PRDM16: variants seen among roughly 807,000 people sequenced by gnomAD.
The protein encoded by PRDM16 is histone-lysine N-methyltransferase PRDM16.
Under a neutral mutation model 110.6 loss-of-function variants are expected in PRDM16, and 23 were observed. The observed-to-expected ratio is 0.21, with a 90% CI of 0.15 to 0.29. The LOEUF (loss-of-function observed/expected upper bound fraction) is 0.29. PRDM16 is among the 10% of genes least tolerant of loss of function. PRDM16 has a pLI of 1.00. For synonymous variants in PRDM16, 799 were observed against 781.8 expected (o/e 1.02, Z -0.37); for missense variants, 1,615 against 1,794.3 (o/e 0.90, Z 1.81).
At chr1:3,083,144 C>T (rs184362455) in intron 1 of PRDM16, among the ~76,000 whole-genome samples, 96 of 152,310 alleles carry the variant, frequency 6.3e-4, no homozygotes, top group Middle Eastern at 3.4e-3. Context: ...AGAGCAGAGC[C>T]GGGCAGGCTC....
intron 15 of PRDM16, 90 bp downstream of exon 15, chr1:3,431,198 C>G (rs1569788634): frequency 6.7e-7 from 1 of 1,490,554 alleles, no homozygotes; most frequent in Non-Finnish European, 8.9e-7. Flanking sequence ...CACTCGTGAG[C>G]CCATCCCTGG....
chr1:3,089,846 C>T (rs987828957), intron 1 of PRDM16, among the ~76,000 whole-genome samples: 2 of 151,812 alleles, frequency 1.3e-5, no homozygotes, highest in African/African-American at 4.8e-5. Flanking sequence ...CTCCAACTTC[C>T]TCCGGCCGAC....
At chr1:3,074,411 CTG>C (rs770186651) in intron 1 of PRDM16, among the ~76,000 whole-genome samples, 13 of 151,080 alleles carry the variant, frequency 8.6e-5, no homozygotes, top group South Asian at 4.2e-4. Context: ...AGGGTTTTTT[CTG>C]TGTGTGTGTG....
At position 3,438,331 on chromosome 1, in the gene PRDM16, C is replaced by T. The variant is rs11584897; in HGVS notation, c.*4520C>T. On this transcript the variant is annotated 3_prime_UTR_variant, in exon 17 of 17. Transcript: ENST00000270722. ...GAGACTAGGAGTCCTGAACTGCTGA[C>T]GCGAAAGAGGCGCAGTTCCCAATTA... The T allele has an allele frequency of 3.2e-4, 65 of 201,856 alleles. No homozygotes were observed. The highest frequency in any genetic ancestry group is 1.7e-3 in the Middle Eastern group (1 of 594). 12.5% of individuals were successfully genotyped at this position (201,856 alleles called of 1,614,324 possible). A position where few individuals can be genotyped will look rare whatever the true frequency, so the allele number is the denominator to read the frequency against.
chr1:3,182,115 C>A (rs1246560875), intron 1 of PRDM16, among the ~76,000 whole-genome samples: 1 of 152,260 alleles, frequency 6.6e-6, no homozygotes, highest in Non-Finnish European at 1.5e-5. Context: ...GTGCCTCTTT[C>A]CTGCCCAGTG....
At chr1:3,319,702 C>T (rs1225452502) in intron 3 of PRDM16, among the ~76,000 whole-genome samples, 1 of 152,188 alleles carries the variant, frequency 6.6e-6, no homozygotes, top group Non-Finnish European at 1.5e-5. Flanking sequence ...CTAACTTCCC[C>T]AGAAGGCTCA....
intron 3 of PRDM16, among the ~76,000 whole-genome samples, chr1:3,274,505 A>G (rs1403681013): frequency 6.6e-6 from 1 of 152,212 alleles, no homozygotes; most frequent in Non-Finnish European, 1.5e-5. Flanking sequence ...GTCCGTTCTG[A>G]AAGGGCCCCA....
At chr1:3,240,898 C>A (rs770464068) in intron 2 of PRDM16, among the ~76,000 whole-genome samples, 1 of 152,380 alleles carries the variant, frequency 6.6e-6, no homozygotes, top group East Asian at 1.9e-4. Context: ...GGTCAGACCT[C>A]GCTTTTTTTG....
At position 3,157,869 on chromosome 1, in the gene PRDM16, C is replaced by T. The variant is rs1439911149; in HGVS notation, c.38-28256C>T. Among the ~76,000 whole-genome samples, 3 of 152,218 alleles carry T rather than the reference C, an allele frequency of 2.0e-5. No homozygotes were observed. Among genetic ancestry groups the T allele is most frequent in the Non-Finnish European group, 4.4e-5 (3 of 68,040 alleles). ...ACCGCCGGGCTGGATGCTTTAGCCC[C>T]AGCACCAACTATGCCATCTTCCTCC... On this transcript the variant is annotated intron_variant, in intron 1 of 16. Coordinates refer to ENST00000270722, the MANE Select transcript of PRDM16 (RefSeq NM_022114.4). This position sits in a 1 kb window ranked among gnomAD's most constrained non-coding sequence, Gnocchi z 4.8.
intron 8 of PRDM16, 79 bp from the exon 9 acceptor site, chr1:3,411,305 A>G (rs1311188894): frequency 1.5e-5 from 22 of 1,485,252 alleles, no homozygotes; most frequent in Non-Finnish European, 1.9e-5. Context: ...TGGCTTTCCC[A>G]GTAATTTCAT....
rs372705995 is a variant in PRDM16, at chr1:3,129,697, G to A, written c.38-56428G>A. On this transcript the variant is annotated intron_variant, in intron 1 of 16. Transcript: ENST00000270722. ...CCTCAGTGCCACAGGTAGGGGCAAGGTCCTCCTCTAGCACTGCCCAGACCC... is the reference window on the plus strand; with the variant it reads ...CCTCAGTGCCACAGGTAGGGGCAAGATCCTCCTCTAGCACTGCCCAGACCC... Among the ~76,000 whole-genome samples, 63 of 152,176 alleles carry A rather than the reference G, an allele frequency of 4.1e-4. 1 individual carries two copies. Among genetic ancestry groups the A allele is most frequent in the African/African-American group, 1.4e-3 (57 of 41,526 alleles).
In PRDM16 at chr1:3,125,631, G is replaced by A. The variant is rs556045983; in HGVS notation, c.37+56335G>A. Among the ~76,000 whole-genome samples, 15 of 152,352 alleles carry A rather than the reference G, an allele frequency of 9.8e-5. No homozygotes were observed. The East Asian group carries it at 2.5e-3, about 25-fold the overall frequency. ...TGTGCAGGTCCCTGGACCGGGCTCCGCTTTTAATTTTTTAAGGGAAGAAAG... is the reference window on the plus strand; with the variant it reads ...TGTGCAGGTCCCTGGACCGGGCTCCACTTTTAATTTTTTAAGGGAAGAAAG... On this transcript the variant is annotated intron_variant, in intron 1 of 16. Coordinates refer to ENST00000270722, the MANE Select transcript of PRDM16 (RefSeq NM_022114.4).
At chr1:3,277,769 A>G (rs2455115) in intron 3 of PRDM16, among the ~76,000 whole-genome samples, 43,911 of 151,782 alleles carry the variant, frequency 0.29, 8,324 homozygotes, top group African/African-American at 0.52. Flanking sequence ...ACACACGCGC[A>G]CACACACGCA....
intron 2 of PRDM16, among the ~76,000 whole-genome samples, chr1:3,220,501 T>A (rs1008963615): frequency 1.3e-5 from 2 of 152,314 alleles, no homozygotes; most frequent in East Asian, 3.9e-4. Context: ...CAAGACCTGC[T>A]TGCAGGTGCA....
chr1:3,126,238 C>T (rs1180455768), intron 1 of PRDM16, among the ~76,000 whole-genome samples: 2 of 152,190 alleles, frequency 1.3e-5, no homozygotes, highest in Non-Finnish European at 1.5e-5. Flanking sequence ...CCGCAGCTCT[C>T]GCCGCCGCCG....
chr1:3,130,616 C>A (rs1452577395), intron 1 of PRDM16, among the ~76,000 whole-genome samples: 1 of 152,122 alleles, frequency 6.6e-6, no homozygotes, highest in African/African-American at 2.4e-5. Flanking sequence ...TCATGCGCCC[C>A]ACGCACAGCT....
chr1:3,431,882 C>A lies in PRDM16; in HGVS notation c.3522-84C>A, dbSNP rs1474254378. 9 of 1,442,022 alleles carry A rather than the reference C, an allele frequency of 6.2e-6. No individual in the cohort carries two copies. In the East Asian group the frequency reaches 1.1e-4, roughly 18 times the overall value. 89.3% of individuals were successfully genotyped at this position (1,442,022 alleles called of 1,614,324 possible). A position where few individuals can be genotyped will look rare whatever the true frequency, so the allele number is the denominator to read the frequency against. ...AGATGCAGCGGCGTGCATGCAGGCC[C>A]GGAGCTGGGCTTGCAGCATCAGAGA... is the stretch of plus-strand genomic sequence containing the variant. On this transcript the variant is annotated intron_variant, in intron 15 of 16. Coordinates refer to ENST00000270722, the MANE Select transcript of PRDM16 (RefSeq NM_022114.4).
intron 3 of PRDM16, among the ~76,000 whole-genome samples, chr1:3,287,640 G>A (rs565181435): frequency 2.9e-5 from 1 of 34,564 alleles, no homozygotes; most frequent in Non-Finnish European, 4.5e-5. Flanking sequence ...ATTTACCGGG[G>A]CTGGAGCCGC....
chr1:3,281,782 C>T (rs755705429), intron 3 of PRDM16, among the ~76,000 whole-genome samples: 7 of 152,168 alleles, frequency 4.6e-5, no homozygotes, highest in Non-Finnish European at 8.8e-5. Context: ...TAGCTATGGC[C>T]GGATTGATTG....
Sources: allele counts gnomAD v4.1 joint callset (sites outside exome capture counted in the v4.1 genomes callset), GRCh38; gene constraint gnomAD v4.1.1; non-coding constraint Gnocchi (gnomAD v3.1); transcripts MANE v1.5; gene names NCBI Gene and HGNC (gene_info 2026-07-23, HGNC 2026-07-21).